Variants in DYRK4 observed in about 807,000 individuals in gnomAD.
The protein encoded by DYRK4 is dual specificity tyrosine-phosphorylation-regulated kinase 4.
DYRK4 carries 64 observed loss-of-function variants against 68.3 expected under a neutral mutation model. The observed-to-expected ratio is 0.94, with a 90% confidence interval of 0.77 to 1.15. DYRK4 has a LOEUF of 1.15. DYRK4 is among the 50% of genes most tolerant of loss of function. The pLI is 0.00. For missense variants in DYRK4, 740 were observed against 764.7 expected (o/e 0.97, Z 0.38); for synonymous variants, 274 against 289.9 (o/e 0.95, Z 0.56).
rs748731338 is a variant in DYRK4, at chr12:4,599,688, T to C, written c.1045-19T>C. On this transcript the variant is annotated intron_variant, in intron 9 of 14. Coordinates refer to ENST00000543431, the MANE Select transcript of DYRK4 (RefSeq NM_001394779.1). ...GGCCGCATTACTGTAGCTTGACATATGTCTTTTCTTCTCTCTAGGAAAATA... is the reference window on the plus strand; with the variant it reads ...GGCCGCATTACTGTAGCTTGACATACGTCTTTTCTTCTCTCTAGGAAAATA... 1.9e-6 allele frequency: 3 copies of C among 1,598,742 alleles called. No homozygotes were observed. The highest frequency in any genetic ancestry group is 2.6e-6 in the Non-Finnish European group (3 of 1,166,890).
chr12:4,571,356 T>C (rs1944728572), intron 2 of DYRK4, among the ~76,000 whole-genome samples: 1 of 152,214 alleles, frequency 6.6e-6, no homozygotes, highest in East Asian at 1.9e-4. Flanking sequence ...TGCCACCTCC[T>C]TAGAGAGGCG....
chr12:4,603,126 C>G, intron 10 of DYRK4: 1 of 1,411,590 alleles, frequency 7.1e-7, no homozygotes, highest in South Asian at 1.2e-5. Context: ...TTTTCACTAT[C>G]TGAATCTGAT....
chr12:4,574,259 A>G (rs1370386717), intron 2 of DYRK4, among the ~76,000 whole-genome samples: 1 of 150,684 alleles, frequency 6.6e-6, no homozygotes, highest in African/African-American at 2.4e-5. Flanking sequence ...GAAAGAAAGC[A>G]GTCCCATGTG....
At chr12:4,562,920 T>C (rs1944643106) in intron 1 of DYRK4, 2 of 360,958 alleles carry the variant, frequency 5.5e-6, no homozygotes, top group Non-Finnish European at 1.1e-5. Flanking sequence ...TTTGAGGGTT[T>C]TTAAAGGCTA....
chr12:4,594,183 A>G (rs2137370747), intron 6 of DYRK4, among the ~76,000 whole-genome samples: 1 of 152,292 alleles, frequency 6.6e-6, no homozygotes, highest in East Asian at 1.9e-4. Context: ...CTGCGCATAC[A>G]TAAAATTATA....
chr12:4,603,388 T>G, intron 10 of DYRK4: 1 of 459,908 alleles, frequency 2.2e-6, no homozygotes, highest in Non-Finnish European at 4.1e-6. Context: ...ATTCTTCACT[T>G]TCTTTTGAAT....
At chr12:4,597,900 C>T (rs1182323481) in intron 8 of DYRK4, among the ~76,000 whole-genome samples, 11 of 151,958 alleles carry the variant, frequency 7.2e-5, no homozygotes, top group Non-Finnish European at 1.5e-5. Flanking sequence ...CTACTAAAAA[C>T]CCCATCTCTA....
intron 6 of DYRK4, among the ~76,000 whole-genome samples, chr12:4,595,636 C>T (rs1004192962): frequency 1.3e-5 from 2 of 152,018 alleles, no homozygotes; most frequent in African/African-American, 4.8e-5. Context: ...CCAAATTTGG[C>T]CAGGAAGAGG....
chr12:4,566,509 T>C (rs1460544433), intron 1 of DYRK4, among the ~76,000 whole-genome samples: 1 of 152,232 alleles, frequency 6.6e-6, no homozygotes, highest in African/African-American at 2.4e-5. Flanking sequence ...CCTCAGCTCC[T>C]CCAGCTGACT....
At chr12:4,595,959 A>C (rs529960265) in intron 6 of DYRK4, among the ~76,000 whole-genome samples, 190 bp from the exon 7 acceptor site, 1 of 152,348 alleles carries the variant, frequency 6.6e-6, no homozygotes, top group South Asian at 2.1e-4. Context: ...TGGGTGGCCC[A>C]GAATCCAGGC....
intron 2 of DYRK4, among the ~76,000 whole-genome samples, chr12:4,577,903 A>T (rs1456994647): frequency 6.6e-6 from 1 of 152,198 alleles, no homozygotes; most frequent in African/African-American, 2.4e-5. Flanking sequence ...TGTAAATGGT[A>T]TTGCACTTTT....
rs35931316 is a variant in DYRK4, at chr12:4,575,299, C to T, written c.132+7251C>T. Among the ~76,000 whole-genome samples, 223 of 148,886 alleles carry T rather than the reference C, an allele frequency of 1.5e-3. 8 individuals carry two copies. Among genetic ancestry groups the T allele is most frequent in the Middle Eastern group, 3.4e-3 (1 of 292 alleles). On this transcript the variant is annotated intron_variant, in intron 2 of 14. Coordinates refer to ENST00000543431, the MANE Select transcript of DYRK4 (RefSeq NM_001394779.1). ...TTGCCAATTTACTAACAATAACTTA[C>T]TGTGTGTGTGTGTGTGTGTGTGTTT...
intron 2 of DYRK4, among the ~76,000 whole-genome samples, chr12:4,574,170 C>A (rs931994330): frequency 1.8e-4 from 27 of 148,112 alleles, no homozygotes; most frequent in East Asian, 4.1e-4. Context: ...GGTTGCAGTG[C>A]GCCGAGATCG....
intron 2 of DYRK4, among the ~76,000 whole-genome samples, chr12:4,574,088 G>T (rs1164217122): frequency 1.3e-5 from 2 of 152,090 alleles, no homozygotes; most frequent in Non-Finnish European, 2.9e-5. Context: ...AGCCGTGCGT[G>T]GTGGCGGGTG....
At chr12:4,569,745 G>A (rs1591784137) in intron 2 of DYRK4, among the ~76,000 whole-genome samples, 1 of 152,176 alleles carries the variant, frequency 6.6e-6, no homozygotes, top group East Asian at 1.9e-4. Flanking sequence ...ACAGGTGTGA[G>A]CCACCACACC....
At chr12:4,583,546 C>T (rs2137347442) in intron 2 of DYRK4, among the ~76,000 whole-genome samples, 1 of 152,008 alleles carries the variant, frequency 6.6e-6, no homozygotes, top group South Asian at 2.1e-4. Flanking sequence ...AGGCGCCTGC[C>T]ACCACGCCCG....
At chr12:4,598,041 G>T (rs1196143110) in intron 8 of DYRK4, among the ~76,000 whole-genome samples, 1 of 152,152 alleles carries the variant, frequency 6.6e-6, no homozygotes, top group Non-Finnish European at 1.5e-5. Flanking sequence ...ACTCCAGCCT[G>T]GTCAACAGAG....
At chr12:4,563,225 C>T (rs1329189757) in intron 1 of DYRK4, 3 of 440,760 alleles carry the variant, frequency 6.8e-6, no homozygotes, top group African/African-American at 6.1e-5. Flanking sequence ...ATGCACTCTA[C>T]CTTATTGTTT....
intron 11 of DYRK4, among the ~76,000 whole-genome samples, chr12:4,606,293 GCTATCTATCTAT>G (rs3083726): frequency 9.9e-5 from 15 of 151,034 alleles, no homozygotes; most frequent in African/African-American, 2.7e-4. Context: ...TGGCTGGCTG[GCTATCTATCTAT>G]CTATCTATCT....
Sources: gnomAD v4.1 joint callset for allele counts (sites outside exome capture counted in the v4.1 genomes callset) on GRCh38, gnomAD v4.1.1 for gene constraint, MANE v1.5 for transcripts, NCBI Gene and HGNC (gene_info 2026-07-23, HGNC 2026-07-21) for gene names.